Variants in NKAIN3 observed in about 807,000 individuals in gnomAD.
NKAIN3 encodes sodium/potassium transporting ATPase interacting 3, also known as sodium/potassium-transporting ATPase subunit beta-1-interacting protein 3.
Under a neutral mutation model 30.2 loss-of-function variants are expected in NKAIN3, and 25 were observed. That is an observed-to-expected ratio of 0.83 (90% CI 0.60 to 1.16). The LOEUF (loss-of-function observed/expected upper bound fraction) is 1.16, where lower values mean the gene tolerates loss of function less well. Ranked by LOEUF, NKAIN3 falls within the 50% of genes most tolerant of loss-of-function variation. The pLI is 0.00. For missense variants in NKAIN3, 225 were observed against 254.1 expected (o/e 0.89, Z 0.78); for synonymous variants, 91 against 89.6 (o/e 1.02, Z -0.09).
At chr8:62,925,092 A>G (rs190866983) in intron 5 of NKAIN3, among the ~76,000 whole-genome samples, 80 of 152,218 alleles carry the variant, frequency 5.3e-4, no homozygotes, top group African/African-American at 1.8e-3. Flanking sequence ...CATTCTTCTC[A>G]CAAACACCCT....
At chr8:62,470,864 AT>A (rs1806312964) in intron 1 of NKAIN3, among the ~76,000 whole-genome samples, 1 of 152,092 alleles carries the variant, frequency 6.6e-6, no homozygotes, top group South Asian at 2.1e-4. Context: ...TTCTATAAAT[AT>A]GTGTAGATCT....
intron 1 of NKAIN3, among the ~76,000 whole-genome samples, chr8:62,521,705 A>G (rs1223704570): frequency 1.3e-5 from 2 of 152,128 alleles, no homozygotes; most frequent in Non-Finnish European, 2.9e-5. Flanking sequence ...GCTCTCTACA[A>G]TATTGTTTCC....
intron 1 of NKAIN3, among the ~76,000 whole-genome samples, chr8:62,324,199 G>T (rs1235818855): frequency 1.3e-5 from 2 of 152,020 alleles, no homozygotes; most frequent in Non-Finnish European, 2.9e-5. Context: ...GTAATCTGAG[G>T]ATCCAGGGGA....
intron 4 of NKAIN3, among the ~76,000 whole-genome samples, chr8:62,915,619 G>A (rs1179321956): frequency 6.6e-6 from 1 of 152,154 alleles, no homozygotes; most frequent in Non-Finnish European, 1.5e-5. Context: ...ACTAATGCAA[G>A]AGAGTTCTTG....
intron 1 of NKAIN3, among the ~76,000 whole-genome samples, chr8:62,312,508 T>C (rs1316380954): frequency 6.6e-6 from 1 of 150,512 alleles, no homozygotes; most frequent in Admixed American, 6.6e-5. Context: ...GCATGACTTT[T>C]ACTTACACAA....
intron 1 of NKAIN3, among the ~76,000 whole-genome samples, chr8:62,321,309 A>G (rs1480709891): frequency 6.6e-6 from 1 of 151,918 alleles, no homozygotes; most frequent in Admixed American, 6.6e-5. Context: ...AAGTTTGATC[A>G]TCTGAAGCCT....
chr8:62,362,089 ACT>A (rs1264038092), intron 1 of NKAIN3, among the ~76,000 whole-genome samples: 1 of 152,098 alleles, frequency 6.6e-6, no homozygotes, highest in East Asian at 1.9e-4. Flanking sequence ...CGATGTTAAG[ACT>A]CTCTTTAGCA....
chr8:62,889,315 A>G (rs912969321), intron 4 of NKAIN3, among the ~76,000 whole-genome samples: 5 of 152,124 alleles, frequency 3.3e-5, no homozygotes, highest in Non-Finnish European at 7.4e-5. Context: ...GGTTACAGTG[A>G]GCCGAGATCA....
chr8:62,591,700 T>A (rs1810659994), intron 3 of NKAIN3, among the ~76,000 whole-genome samples: 1 of 152,024 alleles, frequency 6.6e-6, no homozygotes, highest in Non-Finnish European at 1.5e-5. Context: ...CCAAGTATTC[T>A]AGGTCATTAA....
chr8:62,534,252 G>A (rs1032439927), intron 1 of NKAIN3, among the ~76,000 whole-genome samples: 20 of 152,236 alleles, frequency 1.3e-4, no homozygotes, highest in African/African-American at 4.3e-4. Context: ...CCACACGTGG[G>A]AAAAGTTGAG....
intron 1 of NKAIN3, among the ~76,000 whole-genome samples, chr8:62,262,523 T>C (rs1267780632): frequency 2.0e-5 from 3 of 152,174 alleles, no homozygotes; most frequent in Non-Finnish European, 4.4e-5. Context: ...CTTGTAGTAT[T>C]GTGATTGCCA....
intron 4 of NKAIN3, among the ~76,000 whole-genome samples, chr8:62,749,623 T>C (rs75508994): frequency 0.014 from 2,177 of 151,982 alleles, 45 homozygotes; most frequent in African/African-American, 0.05. Context: ...TTTCTTGTGT[T>C]TGTCACTTAT....
chr8:62,440,599 T>C (rs921164272), intron 1 of NKAIN3, among the ~76,000 whole-genome samples: 18 of 152,182 alleles, frequency 1.2e-4, no homozygotes, highest in African/African-American at 4.3e-4. Context: ...TACATGTTGA[T>C]TCTCAAGTTT....
chr8:62,691,147 G>T (rs1813954323), intron 3 of NKAIN3, among the ~76,000 whole-genome samples: 1 of 152,170 alleles, frequency 6.6e-6, no homozygotes, highest in African/African-American at 2.4e-5. Context: ...CTTATGAGAA[G>T]TTCTTGAAGC....
chr8:62,518,822 A>G (rs1808070881), intron 1 of NKAIN3, among the ~76,000 whole-genome samples: 1 of 152,086 alleles, frequency 6.6e-6, no homozygotes, highest in Non-Finnish European at 1.5e-5. Context: ...AAGGAAACAA[A>G]TTTTTTAGTG....
intron 1 of NKAIN3, among the ~76,000 whole-genome samples, chr8:62,443,574 G>C (rs553568541): frequency 2.0e-5 from 3 of 151,826 alleles, no homozygotes; most frequent in Non-Finnish European, 2.9e-5. Context: ...GTTCAGAAAG[G>C]GTTTCACCAT....
At chr8:62,615,195 C>A (rs185058849) in intron 3 of NKAIN3, among the ~76,000 whole-genome samples, 2 of 152,240 alleles carry the variant, frequency 1.3e-5, no homozygotes, top group Admixed American at 1.3e-4. Context: ...CAGAGCCCAA[C>A]AGCTCTTCAG....
chr8:62,962,684 G>A (rs1009581289), intron 6 of NKAIN3, among the ~76,000 whole-genome samples: 7 of 152,104 alleles, frequency 4.6e-5, no homozygotes, highest in South Asian at 2.1e-4. Context: ...GGCAAGTGTC[G>A]ACTGGTTAAG....
chr8:62,579,455 G>C, intron 1 of NKAIN3, 84 bp from the exon 2 acceptor site: 1 of 1,039,596 alleles, frequency 9.6e-7, no homozygotes, highest in South Asian at 2.4e-5. Context: ...TGAATATGCA[G>C]ACTCCTCCAG....
Sources: gnomAD v4.1 joint callset for allele counts (sites outside exome capture counted in the v4.1 genomes callset) on GRCh38, gnomAD v4.1.1 for gene constraint, MANE v1.5 for transcripts, NCBI Gene and HGNC (gene_info 2026-07-23, HGNC 2026-07-21) for gene names.